Variants in PRKCH observed in about 807,000 individuals in gnomAD.
PRKCH encodes protein kinase C eta, also known as protein kinase C eta type.
In PRKCH, 28 loss-of-function variants were observed where a neutral mutation model predicts 82.5. The ratio of observed to expected loss-of-function variants is 0.34; its 90% CI spans 0.25 to 0.47. The LOEUF is 0.47. Ranked by LOEUF, PRKCH falls within the 20% of genes least tolerant of loss-of-function variation. The pLI is 1.00. For missense variants in PRKCH, 705 were observed against 881.8 expected (o/e 0.80, Z 2.54); for synonymous variants, 322 against 327.4 (o/e 0.98, Z 0.18).
At chr14:61,426,580 A>C (rs898185124) in intron 2 of PRKCH, among the ~76,000 whole-genome samples, 1 of 152,206 alleles carries the variant, frequency 6.6e-6, no homozygotes, top group Non-Finnish European at 1.5e-5. Context: ...ATTTTGCCTG[A>C]GGAAAGTCCA....
At chr14:61,389,170 G>GT in intron 1 of PRKCH, among the ~76,000 whole-genome samples, 1 of 152,334 alleles carries the variant, frequency 6.6e-6, no homozygotes, top group Non-Finnish European at 1.5e-5. Context: ...GGTCTCAGGA[G>GT]TTCAAGACCA....
chr14:61,445,199 G>A (rs1364282327), intron 3 of PRKCH, among the ~76,000 whole-genome samples: 3 of 152,200 alleles, frequency 2.0e-5, no homozygotes, highest in Non-Finnish European at 4.4e-5. Context: ...GGCATATTGT[G>A]GCAGCAACTC....
At chr14:61,286,825 A>C (rs1000108788) in intron 1 of PRKCH, among the ~76,000 whole-genome samples, 16 of 152,148 alleles carry the variant, frequency 1.1e-4, no homozygotes, top group African/African-American at 3.9e-4. Context: ...GTTGAGTTGC[A>C]GGGGGCAGTA....
chr14:61,357,405 T>C (rs2046165263), intron 1 of PRKCH, among the ~76,000 whole-genome samples: 1 of 152,234 alleles, frequency 6.6e-6, no homozygotes, highest in Admixed American at 6.5e-5. Context: ...GTCACAGTTA[T>C]CTTCATCTGG....
intron 1 of PRKCH, among the ~76,000 whole-genome samples, chr14:61,214,722 G>A (rs765001791): frequency 2.4e-4 from 37 of 152,060 alleles, no homozygotes; most frequent in African/African-American, 8.2e-4. Flanking sequence ...TCTATCTCAC[G>A]TCCTGATAAG....
At chr14:61,539,209 C>T (rs777445029) in intron 12 of PRKCH, among the ~76,000 whole-genome samples, 5 of 152,058 alleles carry the variant, frequency 3.3e-5, no homozygotes, top group Non-Finnish European at 7.4e-5. Context: ...CAACATTGTC[C>T]CATGACCAGA....
At chr14:61,377,917 C>T (rs1007423835) in intron 1 of PRKCH, among the ~76,000 whole-genome samples, 1 of 152,136 alleles carries the variant, frequency 6.6e-6, no homozygotes, top group African/African-American at 2.4e-5. Context: ...TAATCAAAAA[C>T]CTCTAGTGGC....
At chr14:61,539,185 T>C (rs2043150114) in intron 12 of PRKCH, among the ~76,000 whole-genome samples, 1 of 152,192 alleles carries the variant, frequency 6.6e-6, no homozygotes, top group Admixed American at 6.5e-5. Context: ...CTCTAACCTT[T>C]ACCTACGGTT....
intron 9 of PRKCH, among the ~76,000 whole-genome samples, chr14:61,470,372 C>G (rs1365040826): frequency 6.6e-6 from 1 of 152,132 alleles, no homozygotes; most frequent in African/African-American, 2.4e-5. Context: ...AGTCTGTTCA[C>G]TGGCAGCCCC....
At chr14:61,333,487 T>C (rs143082126) in intron 1 of PRKCH, among the ~76,000 whole-genome samples, 44 of 152,316 alleles carry the variant, frequency 2.9e-4, no homozygotes, top group African/African-American at 1.0e-3. Context: ...TCACTTCAAT[T>C]AATTATAGAA....
intron 2 of PRKCH, among the ~76,000 whole-genome samples, chr14:61,421,256 A>G (rs999776763): frequency 6.6e-6 from 1 of 152,006 alleles, no homozygotes; most frequent in African/African-American, 2.4e-5. Context: ...CAATATATAC[A>G]ATCAGTTTCA....
intron 1 of PRKCH, among the ~76,000 whole-genome samples, chr14:61,249,861 C>T (rs1447158818): frequency 2.0e-5 from 3 of 151,592 alleles, no homozygotes; most frequent in African/African-American, 7.3e-5. Flanking sequence ...CCTCGTGATC[C>T]ACCCACCTCG....
intron 10 of PRKCH, among the ~76,000 whole-genome samples, chr14:61,490,807 A>G (rs1299646419): frequency 6.6e-6 from 1 of 152,050 alleles, no homozygotes; most frequent in Non-Finnish European, 1.5e-5. Flanking sequence ...AGTCCCAGCT[A>G]CTCGGGAGGC....
chr14:61,335,993 G>A (rs947057402), intron 1 of PRKCH, among the ~76,000 whole-genome samples: 3 of 152,162 alleles, frequency 2.0e-5, no homozygotes, highest in South Asian at 4.1e-4. Context: ...ACCCCTGCAA[G>A]CCTGTTCTCT....
At chr14:61,247,370 C>A (rs1468761112) in intron 1 of PRKCH, among the ~76,000 whole-genome samples, 1 of 151,652 alleles carries the variant, frequency 6.6e-6, no homozygotes. Context: ...CCCTTAGGAA[C>A]TGGTTTAAAT....
At position 61,430,370 on chromosome 14, in the gene PRKCH, G is replaced by T. The variant is rs143070558; in HGVS notation, c.428-12741G>T. ...ATATTTTTAGTGGGAGTTCAAAATG[G>T]TACAACCGCTTTGAAAAATGGTCTG... On this transcript the variant is annotated intron_variant, in intron 2 of 13. Coordinates refer to ENST00000332981, the MANE Select transcript of PRKCH (RefSeq NM_006255.5). Among the ~76,000 whole-genome samples the T allele has an allele frequency of 1.9e-3, 288 of 152,272 alleles. 2 individuals are homozygous for T. The highest frequency in any genetic ancestry group is 6.3e-3 in the African/African-American group (262 of 41,554).
At chr14:61,503,169 G>C (rs1035473706) in intron 10 of PRKCH, among the ~76,000 whole-genome samples, 2 of 151,968 alleles carry the variant, frequency 1.3e-5, no homozygotes, top group African/African-American at 4.8e-5. Context: ...CAAGGAGCAG[G>C]GTAGATACTA....
chr14:61,457,667 C>T lies in PRKCH; in HGVS notation c.1266C>T (p.Cys422=). 2 of 1,614,102 alleles carry T rather than the reference C, an allele frequency of 1.2e-6. No homozygotes were observed. Residue 422 remains cysteine (C), a synonymous_variant, in exon 9 of 14, where the codon TGC becomes TGT. Transcript: ENST00000332981. ...NHPFLTQLFC[C]FQTPDRLFFV... is the part of the protein sequence containing the mutation. ...CCTTCCTCACTCAGTTGTTCTGCTG[C>T]TTTCAGACCCCCGTAAGTATGAATC...
At chr14:61,285,022 G>A (rs976011838) in intron 1 of PRKCH, among the ~76,000 whole-genome samples, 1 of 152,016 alleles carries the variant, frequency 6.6e-6, no homozygotes, top group Non-Finnish European at 1.5e-5. Flanking sequence ...GGACATGTAG[G>A]TTATATCCAG....
Sources: allele counts gnomAD v4.1 joint callset (sites outside exome capture counted in the v4.1 genomes callset), GRCh38; gene constraint gnomAD v4.1.1; transcripts MANE v1.5; gene names NCBI Gene and HGNC (gene_info 2026-07-23, HGNC 2026-07-21).